Variants in TNR observed in about 807,000 individuals in gnomAD.
TNR encodes the protein tenascin R, also known as tenascin-R.
Under a neutral mutation model 150.4 loss-of-function variants are expected in TNR, and 45 were observed. The observed-to-expected ratio is 0.30, with a 90% CI of 0.24 to 0.38. The LOEUF (loss-of-function observed/expected upper bound fraction) is 0.38. TNR is among the 10% of genes least tolerant of loss of function. The pLI, the probability that TNR is intolerant of heterozygous loss-of-function variation, is 1.00. For synonymous variants in TNR, 687 were observed against 678.4 expected (o/e 1.01, Z -0.20); for missense variants, 1,544 against 1,759.1 (o/e 0.88, Z 2.19).
intron 2 of TNR, among the ~76,000 whole-genome samples, chr1:175,480,431 GAAAGAAAGAAAGAGAA>G: frequency 7.1e-6 from 1 of 140,350 alleles, no homozygotes; most frequent in Non-Finnish European, 1.6e-5. Flanking sequence ...AAGAAAGAAA[GAAAGAAAGAAAGAGAA>G]AGAAAGAAAG....
At chr1:175,721,128 G>C (rs1667286517) in intron 1 of TNR, among the ~76,000 whole-genome samples, 2 of 152,094 alleles carry the variant, frequency 1.3e-5, no homozygotes, top group South Asian at 4.1e-4. Context: ...TCATCATTCA[G>C]GGCTCAGCTT....
intron 1 of TNR, among the ~76,000 whole-genome samples, chr1:175,675,154 C>A (rs1311051286): frequency 6.6e-6 from 1 of 152,254 alleles, no homozygotes; most frequent in Non-Finnish European, 1.5e-5. Context: ...GCCAGGCAGA[C>A]AAGGACCTCT....
chr1:175,403,360 A>G lies in TNR; in HGVS notation c.756T>C (p.Cys252=). Residue 252 remains cysteine, a synonymous_variant, in exon 4 of 23, where the codon TGT becomes TGC. Transcript: ENST00000367674. Reference sequence around the variant, plus strand: ...AGTCCTCGCCAGTGTAGGGCTCTTCACAGACACACTCCCCGTCCACGCAGA... The same window carrying G: ...AGTCCTCGCCAGTGTAGGGCTCTTCGCAGACACACTCCCCGTCCACGCAGA... ...RGLCVDGECV[C]EEPYTGEDCR... is the part of the protein sequence containing the mutation. The G allele has an allele frequency of 6.2e-7, 1 of 1,613,902 alleles. No homozygotes were observed. Among genetic ancestry groups the G allele is most frequent in the East Asian group, 2.2e-5 (1 of 44,876 alleles).
At chr1:175,438,125 C>T (rs57442025) in intron 2 of TNR, among the ~76,000 whole-genome samples, 31,989 of 151,824 alleles carry the variant, frequency 0.21, 4,114 homozygotes, top group African/African-American at 0.37. Context: ...TGCAAAAATC[C>T]TCAATAAAAT....
rs138519335 is a variant in TNR at position 175,537,807 on chromosome 1, G to A, written c.-164-9438C>T. Among the ~76,000 whole-genome samples, 15 of 152,278 alleles carry A rather than the reference G, an allele frequency of 9.9e-5. No homozygotes were observed. In the East Asian group the frequency reaches 2.9e-3, roughly 29 times the overall value. On this transcript the variant is annotated intron_variant, in intron 1 of 22. Transcript: ENST00000367674. Reference sequence around the variant, plus strand: ...CACCTAAGTCCCTCTCCCTCGTCAGGGGCCAAGCCAGGCATCTGTGTGAGC... The same window carrying A: ...CACCTAAGTCCCTCTCCCTCGTCAGAGGCCAAGCCAGGCATCTGTGTGAGC...
chr1:175,330,120 G>T lies in TNR; in HGVS notation c.3747C>A (p.Ser1249Arg), dbSNP rs149559732. The change falls in exon 21 of 23, where the codon AGC (serine) becomes AGA (arginine). Residue 1249 changes from serine to arginine, a missense_variant. Transcript: ENST00000367674. ...CTATGCGGAGTTTGTACAGGTTTCTGCTGTCCTCGACAGAGAACCTGTCGT... is the reference window on the plus strand; with the variant it reads ...CTATGCGGAGTTTGTACAGGTTTCTTCTGTCCTCGACAGAGAACCTGTCGT... ...ASYDRFSVED[S>R]RNLYKLRIGS... 15 of 1,611,666 alleles carry T rather than the reference G, an allele frequency of 9.3e-6. No homozygotes were observed. Among genetic ancestry groups the T allele is most frequent in the Non-Finnish European group, 1.2e-5 (14 of 1,178,162 alleles).
chr1:175,553,300 C>G (rs572898857), intron 1 of TNR, among the ~76,000 whole-genome samples: 3 of 152,236 alleles, frequency 2.0e-5, no homozygotes, highest in Non-Finnish European at 4.4e-5. Flanking sequence ...GCCACCAACA[C>G]TTTTTCCACC....
Position 175,651,461 on chromosome 1 carries a change from A to T in TNR, c.-165+91765T>A, listed in dbSNP as rs547731803. 1.4e-4 allele frequency among the ~76,000 whole-genome samples: 22 copies of T among 152,276 alleles called. No homozygotes were observed. In the South Asian group the frequency reaches 2.7e-3, roughly 19 times the overall value. ...AAATTCAAACACAGCAGACATTTTT[A>T]AAAAAATAGTATTGAAGAATTGTGA... is the stretch of plus-strand genomic sequence containing the variant. On this transcript the variant is annotated intron_variant, in intron 1 of 22. Coordinates refer to ENST00000367674, the MANE Select transcript of TNR (RefSeq NM_003285.3).
rs1649105783 is a variant in TNR, at chr1:175,322,433, A to ATG, written c.*922_*923dup. 1 of 152,296 alleles carries ATG rather than the reference A, an allele frequency of 6.6e-6. No homozygotes were observed. Among genetic ancestry groups the ATG allele is most frequent in the Admixed American group, 6.5e-5 (1 of 15,286 alleles). 9.4% of individuals were successfully genotyped at this position (152,296 alleles called of 1,614,324 possible). On this transcript the variant is annotated 3_prime_UTR_variant, in exon 23 of 23. Coordinates refer to ENST00000367674, the MANE Select transcript of TNR (RefSeq NM_003285.3). ...CACTGTTCTTGAAAGGTAACAGGAC[A>ATG]TGTGGCTGGTATAATAAGAGTGTCA...
intron 1 of TNR, among the ~76,000 whole-genome samples, chr1:175,586,687 T>C (rs1362440038): frequency 2.6e-5 from 4 of 152,120 alleles, no homozygotes; most frequent in African/African-American, 4.8e-5. Context: ...CTCCAACCTA[T>C]GGAGAAAAAA....
At chr1:175,642,327 T>C (rs1247194156) in intron 1 of TNR, among the ~76,000 whole-genome samples, 1 of 152,096 alleles carries the variant, frequency 6.6e-6, no homozygotes, top group Non-Finnish European at 1.5e-5. Context: ...ATGCAAAAGC[T>C]AGGAAGCATG....
rs540019882 is a variant in TNR, at chr1:175,331,095, T to C, written c.3632-860A>G. 2.0e-3 allele frequency among the ~76,000 whole-genome samples: 268 copies of C among 132,100 alleles called. 19 individuals are homozygous for C. Among genetic ancestry groups the C allele is most frequent in the African/African-American group, 7.2e-3 (238 of 33,134 alleles). The allele number at this position is 132,100 out of a possible 152,430, so 86.7% of individuals were successfully genotyped here. A position where few individuals can be genotyped will look rare whatever the true frequency, so the allele number is the denominator to read the frequency against. ...TTTCTTTCCTTCTTTCTTTCTTTCT[T>C]TCTTTCTCTCTCTCTTTCTTTTCTT... On this transcript the variant is annotated intron_variant, in intron 20 of 22. Transcript: ENST00000367674.
intron 18 of TNR, among the ~76,000 whole-genome samples, chr1:175,346,733 G>A (rs1339418280): frequency 1.3e-5 from 2 of 151,964 alleles, no homozygotes; most frequent in African/African-American, 4.8e-5. Flanking sequence ...GAAAGCAAGA[G>A]CATGGATGGA....
chr1:175,617,450 G>T (rs914674666), intron 1 of TNR, among the ~76,000 whole-genome samples: 5 of 152,166 alleles, frequency 3.3e-5, no homozygotes, highest in Non-Finnish European at 5.9e-5. Context: ...TCCAGTCAGC[G>T]GGGTAGAGAC....
At chr1:175,710,424 C>T (rs554598819) in intron 1 of TNR, among the ~76,000 whole-genome samples, 38 of 152,208 alleles carry the variant, frequency 2.5e-4, no homozygotes, top group Admixed American at 5.2e-4. Flanking sequence ...CCCAGGGGAG[C>T]TTCTAAAAAG....
intron 1 of TNR, among the ~76,000 whole-genome samples, chr1:175,681,949 A>G (rs1161052110): frequency 6.6e-6 from 1 of 152,158 alleles, no homozygotes; most frequent in Non-Finnish European, 1.5e-5. Flanking sequence ...CCCCCAAGAA[A>G]GGAGCTGCGA....
chr1:175,435,610 G>A (rs532731538), intron 2 of TNR, among the ~76,000 whole-genome samples: 2 of 152,324 alleles, frequency 1.3e-5, no homozygotes, highest in African/African-American at 2.4e-5. Flanking sequence ...AATGAGCGGC[G>A]TGAGTGTAGG....
At chr1:175,324,234 A>G (rs1254737624) in intron 22 of TNR, 122 bp downstream of exon 22, 2 of 1,117,336 alleles carry the variant, frequency 1.8e-6, no homozygotes, top group Admixed American at 2.7e-5. Context: ...TTTTCTCAAG[A>G]CTCAAAATAT....
intron 2 of TNR, among the ~76,000 whole-genome samples, chr1:175,433,343 C>T (rs1655356636): frequency 6.6e-6 from 1 of 152,238 alleles, no homozygotes; most frequent in Non-Finnish European, 1.5e-5. Flanking sequence ...CCTCTTCGGT[C>T]TTCACTATCA....
Sources: gnomAD v4.1 joint callset for allele counts (sites outside exome capture counted in the v4.1 genomes callset) on GRCh38, gnomAD v4.1.1 for gene constraint, MANE v1.5 for transcripts, NCBI Gene and HGNC (gene_info 2026-07-23, HGNC 2026-07-21) for gene names.